NDST3: variants seen among roughly 807,000 people sequenced by gnomAD.
NDST3 encodes N-deacetylase and N-sulfotransferase 3.
In NDST3, 58 loss-of-function variants were observed where a neutral mutation model predicts 96.1. The observed-to-expected ratio is 0.60, with a 90% CI of 0.49 to 0.75. The LOEUF is 0.75. Ranked by LOEUF, NDST3 falls within the 30% of genes least tolerant of loss-of-function variation. The pLI is 0.00. For missense variants in NDST3, 788 were observed against 1,034.2 expected, an observed-to-expected ratio of 0.76 and a Z score of 3.27; for synonymous variants, 333 against 359.7, an observed-to-expected ratio of 0.93 and a Z score of 0.84.
At chr4:118,050,186 T>A (rs1724999125) in intron 1 of NDST3, among the ~76,000 whole-genome samples, 1 of 152,094 alleles carries the variant, frequency 6.6e-6, no homozygotes, top group Admixed American at 6.6e-5. Flanking sequence ...CAACATACCT[T>A]CATGATAAAA....
chr4:118,184,602 T>C (rs368314752), intron 6 of NDST3, among the ~76,000 whole-genome samples: 5 of 138,488 alleles, frequency 3.6e-5, no homozygotes, highest in Non-Finnish European at 4.7e-5. Context: ...TCTCTCTCTC[T>C]ACACACACAC....
intron 6 of NDST3, among the ~76,000 whole-genome samples, chr4:118,184,043 A>C (rs1736770952): frequency 6.6e-6 from 1 of 152,208 alleles, no homozygotes; most frequent in Non-Finnish European, 1.5e-5. Context: ...TTCCAATTTT[A>C]GTTTTACAGA....
Position 118,255,787 on chromosome 4 carries a change from G to A in NDST3, c.*75G>A. On this transcript the variant is annotated 3_prime_UTR_variant, in exon 14 of 14. Transcript: ENST00000296499. ...CCAAAGCTTCCAGAAGCTACCAAAAGGCAGTTGAAAAATATACCTCTTCAA... is the reference window on the plus strand; with the variant it reads ...CCAAAGCTTCCAGAAGCTACCAAAAAGCAGTTGAAAAATATACCTCTTCAA... 1 of 1,432,162 alleles carries A rather than the reference G, an allele frequency of 7.0e-7. No homozygotes were observed. The highest frequency in any genetic ancestry group is 2.5e-5 in the East Asian group (1 of 40,438). 88.7% of individuals were successfully genotyped at this position (1,432,162 alleles called of 1,614,324 possible).
intron 6 of NDST3, among the ~76,000 whole-genome samples, chr4:118,149,384 A>C (rs374113370): frequency 2.0e-5 from 3 of 151,844 alleles, no homozygotes; most frequent in Admixed American, 6.6e-5. Flanking sequence ...TTCCTACCCA[A>C]GAGCATGGAA....
chr4:118,248,681 G>C (rs1741471557), intron 12 of NDST3, among the ~76,000 whole-genome samples: 1 of 152,206 alleles, frequency 6.6e-6, no homozygotes, highest in African/African-American at 2.4e-5. Context: ...CCCCAGCCAT[G>C]ACAATGGTTG....
At chr4:118,205,832 C>CTT (rs56843725) in intron 6 of NDST3, among the ~76,000 whole-genome samples, 5 of 95,468 alleles carry the variant, frequency 5.2e-5, no homozygotes, top group African/African-American at 1.3e-4. Context: ...ATCGGGCTTT[C>CTT]TTTTTTTTTT....
At chr4:118,125,433 A>T (rs1194443272) in intron 4 of NDST3, among the ~76,000 whole-genome samples, 2 of 152,126 alleles carry the variant, frequency 1.3e-5, no homozygotes, top group Non-Finnish European at 2.9e-5. Context: ...TTTATATTAT[A>T]AATCAAGGAG....
intron 6 of NDST3, among the ~76,000 whole-genome samples, chr4:118,162,876 T>G (rs1210977612): frequency 1.3e-5 from 2 of 148,658 alleles, no homozygotes; most frequent in East Asian, 2.0e-4. Flanking sequence ...ATATCCAGAA[T>G]CTACAATGAA....
intron 8 of NDST3, among the ~76,000 whole-genome samples, chr4:118,227,512 G>A (rs1341766642): frequency 6.6e-6 from 1 of 151,444 alleles, no homozygotes. Flanking sequence ...TTTGTGCTAA[G>A]AAAGGTGTTT....
At position 118,133,542 on chromosome 4, in the gene NDST3, C is replaced by T. The variant is rs1732819533; in HGVS notation, c.1225-4512C>T. ...AAGATAAAACGAGGTACTGCGATTGCTTACCTGATTTTTTGTTCTTCTGAT... is the reference window on the plus strand; with the variant it reads ...AAGATAAAACGAGGTACTGCGATTGTTTACCTGATTTTTTGTTCTTCTGAT... On this transcript the variant is annotated intron_variant, in intron 4 of 13. Transcript: ENST00000296499. Among the ~76,000 whole-genome samples the T allele has an allele frequency of 2.0e-5, 3 of 152,296 alleles. 1 individual carries two copies. The Middle Eastern group carries it at 0.01, about 518-fold the overall frequency.
chr4:118,223,048 A>G (rs568981969), intron 6 of NDST3, among the ~76,000 whole-genome samples: 1 of 152,142 alleles, frequency 6.6e-6, no homozygotes, highest in African/African-American at 2.4e-5. Context: ...CAGGTTAAAA[A>G]TACACATTTT....
chr4:118,233,063 A>G lies in NDST3; in HGVS notation c.1871A>G (p.Asn624Ser). 1 of 1,612,732 alleles carries G rather than the reference A, an allele frequency of 6.2e-7. No homozygotes were observed. Among genetic ancestry groups the G allele is most frequent in the Non-Finnish European group, 8.5e-7 (1 of 1,178,988 alleles). ...FLVMHPSILSNSPSPKTFEEV... is the reference protein window; with the variant it reads ...FLVMHPSILSSSPSPKTFEEV... ...GTTATGCATCCTTCCATCCTTAGTA[A>G]CTCCCCCAGCCCAAAAACCTTTGAG... The change falls in exon 9 of 14, where the codon AAC becomes AGC. Residue 624 changes from asparagine to serine, a missense_variant. Physicochemically the swap from Asn to Ser is conservative, Grantham distance 46. Around this residue, in one of 3 missense-constraint regions of NDST3, gnomAD observed 490 missense variants for 708.8 expected, o/e 0.69. Coordinates refer to ENST00000296499, the MANE Select transcript of NDST3 (RefSeq NM_004784.3).
chr4:118,072,015 T>C (rs1286479574), intron 2 of NDST3, among the ~76,000 whole-genome samples: 2 of 151,688 alleles, frequency 1.3e-5, no homozygotes, highest in African/African-American at 4.8e-5. Flanking sequence ...TTGAACATTT[T>C]TTATATGAAG....
intron 6 of NDST3, among the ~76,000 whole-genome samples, chr4:118,210,987 G>C (rs777006012): frequency 4.0e-4 from 61 of 152,098 alleles, no homozygotes; most frequent in Non-Finnish European, 7.6e-4. Flanking sequence ...CCATGTCCCA[G>C]ATACTAAGGG....
intron 6 of NDST3, among the ~76,000 whole-genome samples, chr4:118,162,525 G>T (rs1178927939): frequency 2.0e-5 from 3 of 151,764 alleles, no homozygotes; most frequent in Non-Finnish European, 4.4e-5. Context: ...AATAAATGGT[G>T]CTGGGAAAAC....
chr4:118,140,326 T>A (rs537110403), intron 5 of NDST3, among the ~76,000 whole-genome samples: 1 of 152,358 alleles, frequency 6.6e-6, no homozygotes, highest in African/African-American at 2.4e-5. Context: ...ACAGGGATCT[T>A]ATTCTCCTCT....
intron 6 of NDST3, among the ~76,000 whole-genome samples, chr4:118,147,945 T>C (rs1734071860): frequency 6.6e-6 from 1 of 152,174 alleles, no homozygotes; most frequent in South Asian, 2.1e-4. Context: ...TCAACATGCT[T>C]GATAATAAAG....
chr4:118,194,150 A>C, intron 6 of NDST3: 2 of 889,012 alleles, frequency 2.2e-6, no homozygotes, highest in Admixed American at 1.7e-5. Flanking sequence ...TCCTTTCTAC[A>C]TGCACTGAAT....
At chr4:118,201,581 T>C (rs1738089498) in intron 6 of NDST3, among the ~76,000 whole-genome samples, 1 of 152,224 alleles carries the variant, frequency 6.6e-6, no homozygotes. Flanking sequence ...TTGTATGACG[T>C]CTTTTGAGAA....
Sources: gnomAD v4.1 joint callset for allele counts (sites outside exome capture counted in the v4.1 genomes callset) on GRCh38, gnomAD v4.1.1 for gene constraint, gnomAD v4.1.1 regional missense constraint, MANE v1.5 for transcripts, NCBI Gene and HGNC (gene_info 2026-07-23, HGNC 2026-07-21) for gene names.